DSCAML1: variants seen among roughly 807,000 people sequenced by gnomAD.
The protein encoded by DSCAML1 is cell adhesion molecule DSCAML1.
Under a neutral mutation model 200.5 loss-of-function variants are expected in DSCAML1, and 38 were observed. The ratio of observed to expected loss-of-function variants is 0.19; its 90% CI spans 0.15 to 0.25. The LOEUF (loss-of-function observed/expected upper bound fraction) is 0.25. Ranked by LOEUF, DSCAML1 falls within the 10% of genes least tolerant of loss-of-function variation. DSCAML1 has a pLI of 1.00. For missense variants in DSCAML1, 2,223 were observed against 2,858.8 expected, an observed-to-expected ratio of 0.78 and a Z score of 5.07; for synonymous variants, 1,215 against 1,165.0, an observed-to-expected ratio of 1.04 and a Z score of -0.87.
At chr11:117,493,536 C>T (rs769241022) in intron 11 of DSCAML1, among the ~76,000 whole-genome samples, 1 of 151,652 alleles carries the variant, frequency 6.6e-6, no homozygotes, top group Admixed American at 6.6e-5. Context: ...GGGTGGTCTC[C>T]ATCTCCTGAC....
chr11:117,584,062 C>G (rs893914240), intron 3 of DSCAML1, among the ~76,000 whole-genome samples: 4 of 152,006 alleles, frequency 2.6e-5, no homozygotes, highest in Admixed American at 6.6e-5. Flanking sequence ...CTCCCCACCC[C>G]CTCCTCTCCT....
At chr11:117,497,620 C>A (rs1445266999) in intron 11 of DSCAML1, among the ~76,000 whole-genome samples, 2 of 152,266 alleles carry the variant, frequency 1.3e-5, no homozygotes, top group Admixed American at 1.3e-4. Flanking sequence ...CTCTTCCCTT[C>A]CCTCCCTCCT....
chr11:117,645,016 C>T (rs569534254), intron 3 of DSCAML1, among the ~76,000 whole-genome samples: 1 of 152,336 alleles, frequency 6.6e-6, no homozygotes, highest in Non-Finnish European at 1.5e-5. Context: ...GTGGGGCCCA[C>T]GCTCCCCGAG....
chr11:117,449,775 C>G (rs143894707), intron 20 of DSCAML1, among the ~76,000 whole-genome samples: 4 of 152,342 alleles, frequency 2.6e-5, no homozygotes, highest in Non-Finnish European at 5.9e-5. Flanking sequence ...CTAGAACAGG[C>G]ATTCTCTATA....
chr11:117,522,672 A>C (rs1342091359), intron 5 of DSCAML1, among the ~76,000 whole-genome samples: 1 of 152,202 alleles, frequency 6.6e-6, no homozygotes, highest in African/African-American at 2.4e-5. Context: ...ATGTCAGTGC[A>C]CATTGAGTCA....
intron 3 of DSCAML1, chr11:117,668,968 CTT>C (rs1161942514): frequency 3.3e-5 from 5 of 152,294 alleles, no homozygotes; most frequent in African/African-American, 1.2e-4. Flanking sequence ...GGAAACAGGT[CTT>C]CTGCGCAGAC....
intron 20 of DSCAML1, among the ~76,000 whole-genome samples, chr11:117,448,140 G>A (rs755280123): frequency 8.9e-4 from 135 of 152,228 alleles, no homozygotes; most frequent in Non-Finnish European, 1.6e-3. Context: ...CAGGAGCTCT[G>A]TTCCGGAGCC....
intron 11 of DSCAML1, among the ~76,000 whole-genome samples, chr11:117,483,990 G>T (rs190187151): frequency 6.6e-6 from 1 of 151,530 alleles, no homozygotes; most frequent in Non-Finnish European, 1.5e-5. Context: ...AAGGGGCTTT[G>T]TCTTCTCTGT....
intron 3 of DSCAML1, among the ~76,000 whole-genome samples, chr11:117,641,452 C>T (rs557013184): frequency 1.3e-5 from 2 of 152,328 alleles, no homozygotes; most frequent in South Asian, 2.1e-4. Context: ...GTCTCACACC[C>T]AGCCCCACCG....
At chr11:117,813,192 C>T (rs1417893995) in intron 1 of DSCAML1, among the ~76,000 whole-genome samples, 3 of 152,200 alleles carry the variant, frequency 2.0e-5, no homozygotes, top group Non-Finnish European at 4.4e-5. Context: ...ACCACTTTCC[C>T]TTCTCAGAAG....
chr11:117,509,404 G>A (rs1346339112), intron 8 of DSCAML1, among the ~76,000 whole-genome samples: 1 of 152,186 alleles, frequency 6.6e-6, no homozygotes, highest in African/African-American at 2.4e-5. Context: ...ACATGCAGCT[G>A]GGCTGGTCCC....
intron 3 of DSCAML1, among the ~76,000 whole-genome samples, chr11:117,666,920 G>A (rs754444093): frequency 2.0e-5 from 3 of 152,174 alleles, no homozygotes; most frequent in Admixed American, 6.5e-5. Context: ...ATTACTGTCC[G>A]AATCCATGTA....
At chr11:117,596,717 T>C (rs1264365440) in intron 3 of DSCAML1, among the ~76,000 whole-genome samples, 1 of 152,244 alleles carries the variant, frequency 6.6e-6, no homozygotes, top group Non-Finnish European at 1.5e-5. Context: ...GCAATGCAGG[T>C]ATTTTGTTCA....
At position 117,518,883 on chromosome 11, in the gene DSCAML1, G is replaced by A; in HGVS notation, c.1214-121C>T. The A allele has an allele frequency of 8.1e-6, 9 of 1,117,990 alleles. No homozygotes were observed. The highest frequency in any genetic ancestry group is 1.1e-5 in the Non-Finnish European group (9 of 806,938). The allele number at this position is 1,117,990 out of a possible 1,614,324, so 69.3% of individuals were successfully genotyped here. On this transcript the variant is annotated intron_variant, in intron 6 of 32. Coordinates refer to ENST00000651296, the MANE Select transcript of DSCAML1 (RefSeq NM_020693.4). This position sits in a 1 kb window ranked among gnomAD's most constrained non-coding sequence, Gnocchi z 6.3. ...GCCATAAGAGCAAACAAGAACTTTT[G>A]TGTACATCAATTCTTCTGCTATCCG...
At chr11:117,431,163 G>T in intron 31 of DSCAML1, 130 bp from the exon 32 acceptor site, 1 of 908,686 alleles carries the variant, frequency 1.1e-6, no homozygotes, top group Non-Finnish European at 1.7e-6. Flanking sequence ...AGGCTGAGAA[G>T]ATCCCGTGAA....
intron 3 of DSCAML1, among the ~76,000 whole-genome samples, chr11:117,753,319 A>G (rs1242202563): frequency 6.6e-6 from 1 of 152,186 alleles, no homozygotes; most frequent in African/African-American, 2.4e-5. Context: ...AAAACAGCAG[A>G]GGCCTGGGGC....
At chr11:117,637,801 C>G (rs944143153) in intron 3 of DSCAML1, among the ~76,000 whole-genome samples, 1 of 152,182 alleles carries the variant, frequency 6.6e-6, no homozygotes, top group East Asian at 1.9e-4. Flanking sequence ...ATGGCTTCCC[C>G]CCAAAAGCCA....
In DSCAML1 at chr11:117,780,434, C is replaced by T. The variant is rs1440013750; in HGVS notation, c.364+59G>A. The T allele has an allele frequency of 7.3e-7, 1 of 1,370,542 alleles. No individual in the cohort carries two copies. Among genetic ancestry groups the T allele is most frequent in the African/African-American group, 1.5e-5 (1 of 67,478 alleles). 84.9% of individuals were successfully genotyped at this position (1,370,542 alleles called of 1,614,324 possible). A position where few individuals can be genotyped will look rare whatever the true frequency, so the allele number is the denominator to read the frequency against. ...TCTTGCAAGCCCCTCCGAATATCCT[C>T]AGAATGACGGCGCAGCCTCCTCCTG... On this transcript the variant is annotated intron_variant, in intron 2 of 32. Coordinates refer to ENST00000651296, the MANE Select transcript of DSCAML1 (RefSeq NM_020693.4). This position sits in a 1 kb window ranked among gnomAD's most constrained non-coding sequence, Gnocchi z 4.8.
intron 3 of DSCAML1, among the ~76,000 whole-genome samples, chr11:117,572,056 C>T (rs185692373): frequency 6.6e-6 from 1 of 152,330 alleles, no homozygotes; most frequent in East Asian, 1.9e-4. Flanking sequence ...CAAGAAATAA[C>T]CAGAAAAATG....
Sources: allele counts gnomAD v4.1 joint callset (sites outside exome capture counted in the v4.1 genomes callset), GRCh38; gene constraint gnomAD v4.1.1; non-coding constraint Gnocchi (gnomAD v3.1); transcripts MANE v1.5; gene names NCBI Gene and HGNC (gene_info 2026-07-23, HGNC 2026-07-21).